MICU1: variants seen among roughly 807,000 people sequenced by gnomAD.
MICU1 encodes the protein mitochondrial calcium uptake 1.
In MICU1, 45 loss-of-function variants were observed where a neutral mutation model predicts 56.8. The ratio of observed to expected loss-of-function variants is 0.79; its 90% CI spans 0.62 to 1.02. MICU1 has a LOEUF of 1.02. Among genes scored for constraint, MICU1 ranks in the 50% least tolerant of loss-of-function variants. MICU1 has a pLI of 0.00. For missense variants in MICU1, 504 were observed against 587.1 expected, an observed-to-expected ratio of 0.86 and a Z score of 1.46; for synonymous variants, 186 against 195.1, an observed-to-expected ratio of 0.95 and a Z score of 0.39.
intron 8 of MICU1, among the ~76,000 whole-genome samples, chr10:72,427,870 A>G (rs1047097195): frequency 5.3e-5 from 8 of 151,946 alleles, no homozygotes; most frequent in African/African-American, 1.9e-4. Flanking sequence ...TGAATCTGAT[A>G]GTATGTGGCT....
chr10:72,462,202 T>C (rs1865658450), intron 8 of MICU1, among the ~76,000 whole-genome samples: 1 of 151,670 alleles, frequency 6.6e-6, no homozygotes, highest in African/African-American at 2.4e-5. Flanking sequence ...GGGTATTAAA[T>C]GTATTTCTTT....
chr10:72,546,703 C>T (rs1190379073), intron 4 of MICU1, among the ~76,000 whole-genome samples: 1 of 152,112 alleles, frequency 6.6e-6, no homozygotes, highest in Non-Finnish European at 1.5e-5. Flanking sequence ...GGTGCTGAAG[C>T]TAATTTAAAG....
chr10:72,555,080 G>A (rs533301836), intron 3 of MICU1, among the ~76,000 whole-genome samples: 10 of 152,170 alleles, frequency 6.6e-5, no homozygotes, highest in South Asian at 6.2e-4. Flanking sequence ...TCTATGTGAC[G>A]TTGAACAATA....
At chr10:72,534,097 C>T (rs987316030) in intron 4 of MICU1, among the ~76,000 whole-genome samples, 1 of 150,678 alleles carries the variant, frequency 6.6e-6, no homozygotes, top group African/African-American at 2.4e-5. Context: ...TTCATTATAT[C>T]AAGGTGCTAT....
chr10:72,588,772 T>C (rs1841138643), intron 1 of MICU1, among the ~76,000 whole-genome samples: 3 of 152,186 alleles, frequency 2.0e-5, no homozygotes, highest in Admixed American at 6.5e-5. Context: ...TTTCACATGC[T>C]AGATGCCGGC....
intron 8 of MICU1, among the ~76,000 whole-genome samples, chr10:72,471,446 C>T (rs1865948630): frequency 6.6e-6 from 1 of 152,144 alleles, no homozygotes; most frequent in African/African-American, 2.4e-5. Flanking sequence ...GACAAAAGTC[C>T]TATGCTCTGT....
At chr10:72,448,163 A>ATGTG (rs1439178038) in intron 8 of MICU1, among the ~76,000 whole-genome samples, 7 of 48,908 alleles carry the variant, frequency 1.4e-4, no homozygotes, top group Admixed American at 4.6e-4. Context: ...GTGTGTGTGT[A>ATGTG]TATGTGTGTG....
chr10:72,532,056 G>A (rs573807876), intron 5 of MICU1, among the ~76,000 whole-genome samples: 11 of 151,868 alleles, frequency 7.2e-5, no homozygotes, highest in Admixed American at 2.0e-4. Flanking sequence ...GGTGGCTCAC[G>A]CCTGTAATCA....
intron 1 of MICU1, among the ~76,000 whole-genome samples, chr10:72,576,458 C>A (rs1840749127): frequency 6.6e-6 from 1 of 152,178 alleles, no homozygotes; most frequent in Non-Finnish European, 1.5e-5. Context: ...AAATCAGCCA[C>A]AACATTCCCT....
rs117180764 is a variant in MICU1, at chr10:72,416,315, C to T, written c.1071+6919G>A. On this transcript the variant is annotated intron_variant, in intron 9 of 11. Coordinates refer to ENST00000361114, the MANE Select transcript of MICU1 (RefSeq NM_001195518.2). ...CAAAGCTAATTAGTAACAACAACAA[C>T]AACAAAAAGTAGAGTTCTAGTCTTT... 6.3e-3 allele frequency among the ~76,000 whole-genome samples: 960 copies of T among 152,200 alleles called. 8 individuals carry two copies. Among genetic ancestry groups the T allele is most frequent in the East Asian group, 0.034 (176 of 5,190 alleles).
At chr10:72,381,961 T>TACACACAC (rs1180116551) in intron 10 of MICU1, among the ~76,000 whole-genome samples, 1 of 72,648 alleles carries the variant, frequency 1.4e-5, no homozygotes, top group African/African-American at 4.6e-5. Flanking sequence ...TATATATATC[T>TACACACAC]ATACACACAC....
chr10:72,414,889 C>T (rs1863932692), intron 9 of MICU1, among the ~76,000 whole-genome samples: 1 of 152,072 alleles, frequency 6.6e-6, no homozygotes, highest in Non-Finnish European at 1.5e-5. Context: ...ATCCGTCTAC[C>T]AGAAGCCAAT....
At chr10:72,569,530 C>T (rs1357783224) in intron 1 of MICU1, among the ~76,000 whole-genome samples, 3 of 151,524 alleles carry the variant, frequency 2.0e-5, no homozygotes, top group Non-Finnish European at 4.4e-5. Flanking sequence ...CCACCACACC[C>T]GGCCTAAAAT....
intron 8 of MICU1, among the ~76,000 whole-genome samples, chr10:72,450,272 C>T (rs560964374): frequency 2.0e-5 from 3 of 151,628 alleles, no homozygotes; most frequent in South Asian, 2.1e-4. Context: ...GAGCTCTGAG[C>T]GATAAAAACA....
chr10:72,444,444 C>CTTTTTT (rs754274260), intron 8 of MICU1, among the ~76,000 whole-genome samples: 21 of 107,650 alleles, frequency 2.0e-4, no homozygotes, highest in African/African-American at 4.8e-4. Context: ...GAGTCTTTGC[C>CTTTTTT]TTTTTTTTTT....
intron 1 of MICU1, among the ~76,000 whole-genome samples, chr10:72,591,903 C>T (rs1040620054): frequency 6.6e-6 from 1 of 151,014 alleles, no homozygotes; most frequent in Admixed American, 6.6e-5. Flanking sequence ...CTCAGCTACT[C>T]GAGAGGCTGA....
chr10:72,395,812 C>A (rs569818146), intron 10 of MICU1, among the ~76,000 whole-genome samples: 8 of 152,352 alleles, frequency 5.3e-5, no homozygotes, highest in Admixed American at 5.2e-4. Flanking sequence ...CACAGCTCAA[C>A]AGGCCTACAG....
chr10:72,462,671 T>C (rs922346980), intron 8 of MICU1, among the ~76,000 whole-genome samples: 7 of 152,218 alleles, frequency 4.6e-5, no homozygotes, highest in Non-Finnish European at 8.8e-5. Flanking sequence ...CTGTGGTACC[T>C]TGAATATTCT....
intron 8 of MICU1, among the ~76,000 whole-genome samples, chr10:72,444,718 G>T (rs1865054352): frequency 6.6e-6 from 1 of 152,100 alleles, no homozygotes; most frequent in South Asian, 2.1e-4. Flanking sequence ...CAAAGTGTTG[G>T]GATTACAGGC....
Sources: gnomAD v4.1 joint callset for allele counts (sites outside exome capture counted in the v4.1 genomes callset) on GRCh38, gnomAD v4.1.1 for gene constraint, MANE v1.5 for transcripts, NCBI Gene and HGNC (gene_info 2026-07-23, HGNC 2026-07-21) for gene names.